The following PGK1 variants were observed in gnomAD, a reference collection of about 807,000 sequenced individuals.
PGK1 encodes PRP 2.
A neutral mutation model predicts 26.9 loss-of-function variants in PGK1; 3 were observed. The ratio of observed to expected loss-of-function variants is 0.11; its 90% CI spans 0.05 to 0.29. PGK1 has a LOEUF of 0.29. PGK1 is among the 10% of genes least tolerant of loss of function. PGK1 has a pLI of 1.00. For missense variants in PGK1, 270 were observed against 314.7 expected, an observed-to-expected ratio of 0.86 and a Z score of 1.07; for synonymous variants, 125 against 115.3, an observed-to-expected ratio of 1.08 and a Z score of -0.54.
chrX:78,119,077 A>G (rs182274719), intron 6 of PGK1, among the ~76,000 whole-genome samples: 4 of 111,668 alleles, frequency 3.6e-5, no homozygotes, highest in African/African-American at 9.8e-5. Context: ...TGAGCCTTAT[A>G]ACCTGGCAGG....
At chrX:78,118,963 C>T (rs992580993) in intron 6 of PGK1, among the ~76,000 whole-genome samples, 1 of 111,780 alleles carries the variant, frequency 8.9e-6, no homozygotes. Context: ...CCATGCAGGT[C>T]CTCCTCCTGT....
rs1557247572 is a variant in PGK1, at chrX:78,117,436, T to A, written c.521+21T>A. On this transcript the variant is annotated intron_variant, in intron 5 of 10. Coordinates refer to ENST00000373316, the MANE Select transcript of PGK1 (RefSeq NM_000291.4). The stretch of plus-strand genomic sequence containing the variant: ...CACAGGTACCAAGAACCTTGTAGAC[T>A]ACCACACTGAGAACAGTATTCCTAT... 4.1e-6 allele frequency: 4 copies of A among 973,004 alleles called. No homozygotes were observed. In the Admixed American group the frequency reaches 8.7e-5, roughly 21 times the overall value. The allele number at this position is 973,004 out of a possible 1,213,427, so 80.2% of individuals were successfully genotyped here.
At chrX:78,110,429 G>C (rs1201963129) in intron 2 of PGK1, among the ~76,000 whole-genome samples, 1 of 109,861 alleles carries the variant, frequency 9.1e-6, no homozygotes, top group African/African-American at 3.3e-5. Context: ...TAAAGTGCTG[G>C]GACCACAGGT....
chrX:78,120,582 C>T (rs1193270494), intron 6 of PGK1, among the ~76,000 whole-genome samples: 4 of 109,690 alleles, frequency 3.6e-5, no homozygotes, highest in Non-Finnish European at 7.6e-5. Context: ...GCAGCTTTGA[C>T]CTTCCAGGCT....
intron 1 of PGK1, 120 bp downstream of exon 1, chrX:78,104,525 C>T (rs1436320811): frequency 1.5e-5 from 9 of 600,312 alleles, no homozygotes; most frequent in Non-Finnish European, 2.5e-5. Flanking sequence ...CCCCAGGGGT[C>T]CTAGGCTTGG....
rs2078291613 is a variant in PGK1, at chrX:78,109,880, G to A, written c.79G>A (p.Val27Ile). ...KRVVMRVDFN[V>I]PMKNNQITNN... is the part of the protein sequence containing the mutation. ...TTTCTTTTTTAGAGTCGACTTCAAT[G>A]TTCCTATGAAGAACAACCAGATAAC... is the stretch of plus-strand genomic sequence containing the variant. Residue 27 changes from valine (V) to isoleucine (I), a missense_variant, in exon 2 of 11, where the codon GTT becomes ATT. This residue lies in a region of PGK1 where 150 missense variants were observed against 154.6 expected (regional missense o/e 0.97). Transcript: ENST00000373316. The A allele has an allele frequency of 2.5e-6, 3 of 1,197,988 alleles. No homozygotes were observed. The highest frequency in any genetic ancestry group is 3.4e-6 in the Non-Finnish European group (3 of 883,064).
At position 78,104,313 on chromosome X, in the gene PGK1, G is replaced by T. The variant is rs1557245917; in HGVS notation, c.-28G>T. 3.5e-6 allele frequency: 4 copies of T among 1,137,845 alleles called. No individual in the cohort carries two copies. Among genetic ancestry groups the T allele is most frequent in the Non-Finnish European group, 4.8e-6 (4 of 829,004 alleles). 93.8% of individuals were successfully genotyped at this position (1,137,845 alleles called of 1,213,427 possible). ...CGGCTCCCTCGTTGACCGAATCACC[G>T]ACCTCTCTCCCCAGCTGTATTTCCA... On this transcript the variant is annotated 5_prime_UTR_variant, in exon 1 of 11. Coordinates refer to ENST00000373316, the MANE Select transcript of PGK1 (RefSeq NM_000291.4).
chrX:78,118,296 T>G, intron 6 of PGK1, 126 bp downstream of exon 6: 2 of 750,905 alleles, frequency 2.7e-6, no homozygotes, highest in Non-Finnish European at 4.1e-6. Flanking sequence ...ATAAAGGAAC[T>G]ACAGGCTGGG....
At chrX:78,105,499 C>A (rs1275912609) in intron 1 of PGK1, among the ~76,000 whole-genome samples, 4 of 111,611 alleles carry the variant, frequency 3.6e-5, no homozygotes, top group Non-Finnish European at 7.5e-5. Context: ...CTGGTGTAAT[C>A]TAGCCCCTTT....
chrX:78,117,321 G>A lies in PGK1; in HGVS notation c.427G>A (p.Glu143Lys), dbSNP rs782040677. 4.2e-6 allele frequency: 5 copies of A among 1,198,411 alleles called. No individual in the cohort carries two copies. The South Asian group carries it at 5.3e-5, about 13-fold the overall frequency. The change falls in exon 5 of 11, where the codon GAG becomes AAG. Residue 143 changes from glutamate to lysine, a missense_variant. Physicochemically the swap from Glu to Lys is moderately conservative, Grantham distance 56. Around this residue, in one of 3 missense-constraint regions of PGK1, gnomAD observed 150 missense variants for 154.6 expected, o/e 0.97. Coordinates refer to ENST00000373316, the MANE Select transcript of PGK1 (RefSeq NM_000291.4). ...KDASGNKVKA[E>K]PAKIEAFRAS... ...TTGTTTTTCTCTATAGGTTAAAGCC[G>A]AGCCAGCCAAAATAGAAGCTTTCCG... is the stretch of plus-strand genomic sequence containing the variant.
chrX:78,125,235 G>C, intron 9 of PGK1, 92 bp from the exon 10 acceptor site: 1 of 773,972 alleles, frequency 1.3e-6, no homozygotes, highest in Non-Finnish European at 2.0e-6. Context: ...GCTACCTTTT[G>C]GGTTGGGGAG....
chrX:78,125,612 C>T lies in PGK1; in HGVS notation c.1214-178C>T, dbSNP rs138797609. 0.027 allele frequency among the ~76,000 whole-genome samples: 2,991 copies of T among 111,352 alleles called. 55 individuals carry two copies. Among genetic ancestry groups the T allele is most frequent in the Non-Finnish European group, 0.044 (2,324 of 52,976 alleles). Reference sequence around the variant, plus strand: ...TGAGGCGGGGAGGGACAGATAGAAACTTGGTCTGAGAGTTATGGTCTAGTA... The same window carrying T: ...TGAGGCGGGGAGGGACAGATAGAAATTTGGTCTGAGAGTTATGGTCTAGTA... On this transcript the variant is annotated intron_variant, in intron 10 of 10. Coordinates refer to ENST00000373316, the MANE Select transcript of PGK1 (RefSeq NM_000291.4).
intron 1 of PGK1, chrX:78,106,485 A>G (rs1248517401): frequency 1.3e-6 from 1 of 752,609 alleles, no homozygotes; most frequent in South Asian, 6.8e-5. Context: ...GTGCTTAGGC[A>G]GCCATGTGGT....
intron 1 of PGK1, among the ~76,000 whole-genome samples, chrX:78,104,657 C>A (rs1431406257): frequency 9.0e-6 from 1 of 111,250 alleles, no homozygotes; most frequent in Non-Finnish European, 1.9e-5. Flanking sequence ...CCGCTGGGAC[C>A]CATTTTGTCC....
At chrX:78,110,058 A>G (rs1285470199) in intron 2 of PGK1, 141 bp downstream of exon 2, 3 of 498,547 alleles carry the variant, frequency 6.0e-6, no homozygotes, top group African/African-American at 4.7e-5. Context: ...CCACTCTCTG[A>G]TCTGCTTTCT....
chrX:78,124,187 C>A (rs1026073972), intron 8 of PGK1, among the ~76,000 whole-genome samples: 1 of 111,748 alleles, frequency 8.9e-6, no homozygotes, highest in East Asian at 2.8e-4. Flanking sequence ...TTTTTACATG[C>A]TAGTTTGCTT....
chrX:78,114,612 C>T (rs1363948632), intron 4 of PGK1, among the ~76,000 whole-genome samples: 1 of 105,077 alleles, frequency 9.5e-6, no homozygotes, highest in African/African-American at 3.5e-5. Flanking sequence ...TTCTGAAAGG[C>T]AGTCATACGA....
chrX:78,116,189 A>G (rs2078325879), intron 4 of PGK1, among the ~76,000 whole-genome samples: 1 of 111,256 alleles, frequency 9.0e-6, no homozygotes, highest in African/African-American at 3.3e-5. Flanking sequence ...TGGAGGGGTT[A>G]TTATGCCTTT....
chrX:78,117,282 C>G, intron 4 of PGK1, 30 bp from the exon 5 acceptor site: 1 of 970,194 alleles, frequency 1.0e-6, no homozygotes, highest in Middle Eastern at 2.6e-4. Flanking sequence ...TTGGAGCCAT[C>G]ACATTTTCTG....
Sources: allele counts gnomAD v4.1 joint callset (sites outside exome capture counted in the v4.1 genomes callset), GRCh38; gene constraint gnomAD v4.1.1; regional missense constraint gnomAD v4.1.1; transcripts MANE v1.5; gene names NCBI Gene and HGNC (gene_info 2026-07-23, HGNC 2026-07-21).